Variants in OSBP2 observed in about 807,000 individuals in gnomAD.
OSBP2 encodes oxysterol-binding protein 2.
Under a neutral mutation model 96.0 loss-of-function variants are expected in OSBP2, and 66 were observed. The ratio of observed to expected loss-of-function variants is 0.69; its 90% confidence interval spans 0.56 to 0.84. The LOEUF (loss-of-function observed/expected upper bound fraction) is 0.84. Among genes scored for constraint, OSBP2 ranks in the 40% least tolerant of loss-of-function variants. OSBP2 has a pLI of 0.00. For synonymous variants in OSBP2, 525 were observed against 520.9 expected (o/e 1.01, Z -0.11); for missense variants, 1,038 against 1,222.7 (o/e 0.85, Z 2.25).
In OSBP2 at chr22:30,893,494, G is replaced by T. The variant is rs1252659788; in HGVS notation, c.2022G>T (p.Gly674=). ...TCCACTTAGAATTCCAGGCCAGTGG[G>T]AATCACTACGTGTGGAGGAAGAGCA... The part of the protein sequence containing the change: ...GAIHLEFQAS[G]NHYVWRKSTS... Residue 674 remains glycine, a synonymous_variant, in exon 10 of 14, where the codon GGG becomes GGT. Coordinates refer to ENST00000332585, the MANE Select transcript of OSBP2 (RefSeq NM_030758.4). The T allele has an allele frequency of 6.2e-7, 1 of 1,614,046 alleles. No individual in the cohort carries two copies. The highest frequency in any genetic ancestry group is 8.5e-7 in the Non-Finnish European group (1 of 1,180,010).
At chr22:30,724,304 A>G (rs536358762) in intron 1 of OSBP2, among the ~76,000 whole-genome samples, 2 of 152,214 alleles carry the variant, frequency 1.3e-5, no homozygotes, top group Admixed American at 6.5e-5. Flanking sequence ...TGCAACCTCC[A>G]TCTTCCAGGC....
rs1466628370 is a variant in OSBP2 at position 30,822,195 on chromosome 22, GC to G, written c.854-48230del. ...CCCTGGCCATCCCCATTTCCCGCGT[GC>G]CCCTTAGCTCTCAAGGGCATCTTTG... On this transcript the variant is annotated intron_variant, in intron 2 of 13. Transcript: ENST00000332585. 3.9e-5 allele frequency among the ~76,000 whole-genome samples: 6 copies of G among 152,344 alleles called. No homozygotes were observed. The East Asian group carries it at 9.6e-4, about 24-fold the overall frequency.
At chr22:30,710,202 A>G (rs1032043664) in intron 1 of OSBP2, among the ~76,000 whole-genome samples, 8 of 152,168 alleles carry the variant, frequency 5.3e-5, no homozygotes, top group African/African-American at 1.9e-4. Flanking sequence ...GAATACTTCT[A>G]CAAAGAGAAA....
At chr22:30,845,938 A>G (rs1569147896) in intron 2 of OSBP2, among the ~76,000 whole-genome samples, 1 of 151,330 alleles carries the variant, frequency 6.6e-6, no homozygotes, top group African/African-American at 2.4e-5. Context: ...GTATGCCTGT[A>G]TACTGCCTTT....
chr22:30,766,323 G>A (rs1435688549), intron 2 of OSBP2, among the ~76,000 whole-genome samples: 1 of 152,202 alleles, frequency 6.6e-6, no homozygotes, highest in East Asian at 1.9e-4. Context: ...AATGGTACCT[G>A]GCGGGACAGC....
intron 2 of OSBP2, chr22:30,844,504 C>T (rs753604294): frequency 1.3e-5 from 2 of 157,586 alleles, no homozygotes; most frequent in African/African-American, 4.8e-5. Flanking sequence ...GGCTTATTTC[C>T]TTAAACCTCA....
upstream of OSBP2, chr22:30,694,486 G>A (rs2088982253): frequency 9.0e-7 from 1 of 1,116,722 alleles, no homozygotes; most frequent in Non-Finnish European, 1.2e-6. Flanking sequence ...ACCCCAGCCT[G>A]GGTTGGGGGA....
intron 2 of OSBP2, chr22:30,844,819 C>G (rs2038835859): frequency 6.6e-6 from 1 of 152,240 alleles, no homozygotes; most frequent in African/African-American, 2.4e-5. Flanking sequence ...TAACTTTCAA[C>G]ATGAGTTCCT....
chr22:30,723,597 A>G (rs1443208107), intron 1 of OSBP2, among the ~76,000 whole-genome samples: 9 of 151,790 alleles, frequency 5.9e-5, no homozygotes, highest in Non-Finnish European at 1.0e-4. Context: ...TATTTTTAGT[A>G]GAGACGGGGT....
intron 1 of OSBP2, among the ~76,000 whole-genome samples, chr22:30,720,209 A>G (rs1372192747): frequency 1.3e-5 from 2 of 152,194 alleles, no homozygotes; most frequent in African/African-American, 4.8e-5. Context: ...TCACCTTGAA[A>G]TTTAGCACTG....
intron 1 of OSBP2, among the ~76,000 whole-genome samples, chr22:30,725,546 A>C (rs1413827347): frequency 1.2e-5 from 1 of 81,704 alleles, no homozygotes; most frequent in African/African-American, 4.1e-5. Flanking sequence ...AAACAAAAAC[A>C]AAAAAAAAAA....
At chr22:30,848,390 A>G (rs2038913516) in intron 2 of OSBP2, among the ~76,000 whole-genome samples, 1 of 152,222 alleles carries the variant, frequency 6.6e-6, no homozygotes, top group Non-Finnish European at 1.5e-5. Flanking sequence ...ATAAATGACT[A>G]GAACTGGATC....
intron 2 of OSBP2, among the ~76,000 whole-genome samples, chr22:30,809,387 G>A (rs1487198744): frequency 6.6e-6 from 1 of 152,168 alleles, no homozygotes; most frequent in Non-Finnish European, 1.5e-5. Flanking sequence ...CTCTGAGAAG[G>A]GCCTTCCACC....
At chr22:30,711,523 T>C (rs2089349481) in intron 1 of OSBP2, among the ~76,000 whole-genome samples, 1 of 151,878 alleles carries the variant, frequency 6.6e-6, no homozygotes, top group South Asian at 2.1e-4. Context: ...GTGGATCCCT[T>C]GAGTCCAGGA....
At chr22:30,797,786 G>T (rs2090786285) in intron 2 of OSBP2, among the ~76,000 whole-genome samples, 1 of 151,846 alleles carries the variant, frequency 6.6e-6, no homozygotes, top group Non-Finnish European at 1.5e-5. Flanking sequence ...GAGAGATGGG[G>T]TTTTGCCATG....
intron 2 of OSBP2, among the ~76,000 whole-genome samples, chr22:30,828,105 G>A (rs893379330): frequency 1.3e-5 from 2 of 152,166 alleles, no homozygotes; most frequent in African/African-American, 4.8e-5. Flanking sequence ...CAGAACCTCC[G>A]AGCCTGGGGA....
Position 30,768,942 on chromosome 22 carries a change from G to C in OSBP2, c.853+27573G>C, listed in dbSNP as rs117144122. Among the ~76,000 whole-genome samples the C allele has an allele frequency of 4.7e-4, 72 of 152,352 alleles. 2 individuals carry two copies. The East Asian group carries it at 0.013, about 27-fold the overall frequency. On this transcript the variant is annotated intron_variant, in intron 2 of 13. Coordinates refer to ENST00000332585, the MANE Select transcript of OSBP2 (RefSeq NM_030758.4). ...CAACTCAGGATGTCACTAATCCAGAGGTGGAGGGCCCCGGGGTCCAGACCG... is the reference window on the plus strand; with the variant it reads ...CAACTCAGGATGTCACTAATCCAGACGTGGAGGGCCCCGGGGTCCAGACCG...
intron 2 of OSBP2, among the ~76,000 whole-genome samples, chr22:30,853,222 C>A (rs577931735): frequency 6.6e-6 from 1 of 152,282 alleles, no homozygotes; most frequent in South Asian, 2.1e-4. Context: ...CGTATTGAAA[C>A]CACTAACTAT....
chr22:30,899,999 C>A (rs2040161519), intron 12 of OSBP2, among the ~76,000 whole-genome samples: 1 of 152,180 alleles, frequency 6.6e-6, no homozygotes, highest in Admixed American at 6.5e-5. Flanking sequence ...TGGCTCATGC[C>A]TGTAATCCCA....
Sources: gnomAD v4.1 joint callset for allele counts (sites outside exome capture counted in the v4.1 genomes callset) on GRCh38, gnomAD v4.1.1 for gene constraint, MANE v1.5 for transcripts, NCBI Gene and HGNC (gene_info 2026-07-23, HGNC 2026-07-21) for gene names.